Variants in CEP128 observed in about 807,000 individuals in gnomAD.
CEP128 encodes the protein centrosomal protein 128kDa.
Under a neutral mutation model 156.7 loss-of-function variants are expected in CEP128, and 132 were observed. That is an observed-to-expected ratio of 0.84 (90% CI 0.73 to 0.97). CEP128 has a LOEUF of 0.97. Ranked by LOEUF, CEP128 falls within the 50% of genes least tolerant of loss-of-function variation. CEP128 has a pLI of 0.00. For synonymous variants in CEP128, 469 were observed against 448.9 expected (o/e 1.04, Z -0.57); for missense variants, 1,252 against 1,281.9 (o/e 0.98, Z 0.36).
At chr14:80,910,725 A>ACGG (rs1272397664) in intron 4 of CEP128, among the ~76,000 whole-genome samples, 1 of 119,874 alleles carries the variant, frequency 8.3e-6, no homozygotes, top group Non-Finnish European at 1.9e-5. Flanking sequence ...AATCATCAAG[A>ACGG]CATGCTTTTT....
chr14:80,925,505 C>G lies in CEP128; in HGVS notation c.-15-8943G>C, dbSNP rs76921010. Among the ~76,000 whole-genome samples the G allele has an allele frequency of 4.4e-3, 675 of 152,268 alleles. 4 individuals are homozygous for G. Among genetic ancestry groups the G allele is most frequent in the African/African-American group, 0.015 (639 of 41,564 alleles). On this transcript the variant is annotated intron_variant, in intron 2 of 24. Coordinates refer to ENST00000555265, the MANE Select transcript of CEP128 (RefSeq NM_152446.5). ...TCCTTCATTGTCTGCTCTTTGCAAACAGAGCTGAGGCCTTTAAATATTTCT... is the reference window on the plus strand; with the variant it reads ...TCCTTCATTGTCTGCTCTTTGCAAAGAGAGCTGAGGCCTTTAAATATTTCT...
At chr14:80,654,430 C>T (rs970692478) in intron 19 of CEP128, among the ~76,000 whole-genome samples, 1 of 152,254 alleles carries the variant, frequency 6.6e-6, no homozygotes, top group African/African-American at 2.4e-5. Context: ...GAACTAGCTA[C>T]ACAGATGATA....
chr14:80,623,369 T>C (rs1263292223), intron 19 of CEP128, among the ~76,000 whole-genome samples: 1 of 151,160 alleles, frequency 6.6e-6, no homozygotes, highest in Non-Finnish European at 1.5e-5. Flanking sequence ...AAATGACGAG[T>C]TAATGGGTGC....
chr14:80,907,741 G>C (rs1241908764), intron 4 of CEP128, among the ~76,000 whole-genome samples: 1 of 150,246 alleles, frequency 6.7e-6, no homozygotes, highest in Non-Finnish European at 1.5e-5. Context: ...TACCTTGAGA[G>C]TAATTTACAC....
intron 8 of CEP128, among the ~76,000 whole-genome samples, chr14:80,889,930 G>GA (rs1889008583): frequency 6.6e-6 from 1 of 151,844 alleles, no homozygotes; most frequent in African/African-American, 2.4e-5. Context: ...ATATTTACAA[G>GA]AAAAAAACAA....
intron 19 of CEP128, among the ~76,000 whole-genome samples, chr14:80,596,207 G>C (rs1310285343): frequency 1.3e-5 from 2 of 152,042 alleles, no homozygotes; most frequent in African/African-American, 4.8e-5. Context: ...GTGAATTAAA[G>C]AACATGGCCC....
At chr14:80,561,122 T>C (rs538178790) in intron 20 of CEP128, among the ~76,000 whole-genome samples, 1 of 152,282 alleles carries the variant, frequency 6.6e-6, no homozygotes, top group South Asian at 2.1e-4. Context: ...TTCTGCAAAC[T>C]AACTTCCAGC....
Position 80,553,281 on chromosome 14 carries a change from G to A in CEP128, c.2880+5998C>T, listed in dbSNP as rs189499797. On this transcript the variant is annotated intron_variant, in intron 21 of 24. Coordinates refer to ENST00000555265, the MANE Select transcript of CEP128 (RefSeq NM_152446.5). ...CGACATGCCCTAGTGTGTGATGTTC[G>A]CTCCCTGTGTCCATGTGTTCTCATG... is the stretch of plus-strand genomic sequence containing the variant. Among the ~76,000 whole-genome samples, 16 of 151,990 alleles carry A rather than the reference G, an allele frequency of 1.1e-4. No individual in the cohort carries two copies. The East Asian group carries it at 1.9e-3, about 18-fold the overall frequency.
intron 19 of CEP128, among the ~76,000 whole-genome samples, chr14:80,624,370 A>G (rs991986369): frequency 6.6e-6 from 1 of 152,216 alleles, no homozygotes; most frequent in African/African-American, 2.4e-5. Flanking sequence ...TATTATGAAT[A>G]GAGCTGAAAT....
At chr14:80,765,100 C>A (rs1014080426) in intron 16 of CEP128, among the ~76,000 whole-genome samples, 2 of 152,214 alleles carry the variant, frequency 1.3e-5, no homozygotes, top group African/African-American at 4.8e-5. Flanking sequence ...TGCTTCTCGG[C>A]CTTCTGGCTA....
chr14:80,647,470 A>G (rs1201059423), intron 19 of CEP128, among the ~76,000 whole-genome samples: 1 of 152,006 alleles, frequency 6.6e-6, no homozygotes, highest in East Asian at 1.9e-4. Flanking sequence ...TTTTCAGGTA[A>G]CAGCTTCTTT....
intron 6 of CEP128, among the ~76,000 whole-genome samples, chr14:80,904,125 T>C (rs1883743490): frequency 6.6e-6 from 1 of 152,112 alleles, no homozygotes; most frequent in Admixed American, 6.5e-5. Context: ...ACAGAAAATG[T>C]AGTATATATA....
At chr14:80,946,879 T>C (rs185228376) in intron 2 of CEP128, among the ~76,000 whole-genome samples, 66 of 152,296 alleles carry the variant, frequency 4.3e-4, no homozygotes, top group Admixed American at 3.5e-3. Flanking sequence ...TGGGAGGTGA[T>C]TGGATCACAG....
intron 23 of CEP128, among the ~76,000 whole-genome samples, chr14:80,520,182 G>A (rs992862845): frequency 2.0e-5 from 3 of 152,188 alleles, no homozygotes; most frequent in African/African-American, 7.2e-5. Context: ...ACTTTGAGAG[G>A]TGGAAGCTTG....
At chr14:80,717,985 GTGTGTGTGTA>G (rs1174826986) in intron 19 of CEP128, among the ~76,000 whole-genome samples, 16 of 151,766 alleles carry the variant, frequency 1.1e-4, no homozygotes, top group African/African-American at 3.6e-4. Context: ...CAGCTAACTT[GTGTGTGTGTA>G]TGTGTATGTG....
At chr14:80,923,741 A>T (rs1028710854) in intron 2 of CEP128, among the ~76,000 whole-genome samples, 5 of 152,142 alleles carry the variant, frequency 3.3e-5, no homozygotes, top group African/African-American at 9.7e-5. Context: ...ACAAAATTCA[A>T]ATTTTATGTA....
intron 8 of CEP128, among the ~76,000 whole-genome samples, chr14:80,883,134 C>G (rs563804094): frequency 1.3e-5 from 2 of 151,896 alleles, no homozygotes; most frequent in South Asian, 4.2e-4. Flanking sequence ...ACATTGCATG[C>G]CTATATCAAA....
At chr14:80,621,622 G>A (rs564460757) in intron 19 of CEP128, among the ~76,000 whole-genome samples, 1 of 152,082 alleles carries the variant, frequency 6.6e-6, no homozygotes, top group African/African-American at 2.4e-5. Flanking sequence ...AAATTAGAAA[G>A]ACTAAAAAGG....
chr14:80,570,371 C>T (rs1051846442), intron 20 of CEP128, among the ~76,000 whole-genome samples: 1 of 152,146 alleles, frequency 6.6e-6, no homozygotes, highest in Non-Finnish European at 1.5e-5. Flanking sequence ...CCACCTCGGC[C>T]TCCCAAAGTG....
Sources: gnomAD v4.1 joint callset for allele counts (sites outside exome capture counted in the v4.1 genomes callset) on GRCh38, gnomAD v4.1.1 for gene constraint, MANE v1.5 for transcripts, NCBI Gene and HGNC (gene_info 2026-07-23, HGNC 2026-07-21) for gene names.